The following PMFBP1 variants were observed in gnomAD, a reference collection of about 807,000 sequenced individuals.
PMFBP1 encodes polyamine modulated factor 1 binding protein 1.
Under a neutral mutation model 137.8 loss-of-function variants are expected in PMFBP1, and 131 were observed. The ratio of observed to expected loss-of-function variants is 0.95; its 90% CI spans 0.82 to 1.10. PMFBP1 has a LOEUF of 1.10. PMFBP1 is among the 50% of genes least tolerant of loss of function. The pLI, the probability that PMFBP1 is intolerant of heterozygous loss-of-function variation, is 0.00. For synonymous variants in PMFBP1, 490 were observed against 450.4 expected (o/e 1.09, Z -1.11); for missense variants, 1,199 against 1,175.4 (o/e 1.02, Z -0.29).
At chr16:72,228,693 T>G in the PMFBP1 span, among the ~76,000 whole-genome samples, 1 of 152,326 alleles carries the variant, frequency 6.6e-6, no homozygotes, top group South Asian at 2.1e-4. Flanking sequence ...GGTGCCTCTC[T>G]ATTTCTTTAG....
chr16:72,171,384 G>T, intron 1 of PMFBP1, 116 bp from the exon 2 acceptor site: 1 of 624,202 alleles, frequency 1.6e-6, no homozygotes, highest in Non-Finnish European at 2.8e-6. Context: ...TTCCTGAACT[G>T]TTAGCAATAC....
At chr16:72,245,910 A>T in the PMFBP1 span, among the ~76,000 whole-genome samples, 1 of 152,268 alleles carries the variant, frequency 6.6e-6, no homozygotes, top group African/African-American at 2.4e-5. Context: ...CCAGTGCTTG[A>T]CCATCTTTTG....
intron 14 of PMFBP1, among the ~76,000 whole-genome samples, chr16:72,126,532 C>A (rs1032500455): frequency 6.6e-6 from 1 of 152,230 alleles, no homozygotes; most frequent in Non-Finnish European, 1.5e-5. Context: ...TGATGTAATT[C>A]ACTAGACTTG....
intron 10 of PMFBP1, among the ~76,000 whole-genome samples, chr16:72,131,776 G>T (rs904638886): frequency 1.3e-5 from 2 of 152,198 alleles, no homozygotes; most frequent in African/African-American, 4.8e-5. Context: ...AAAGGAGGGT[G>T]AGGAAGGAAG....
chr16:72,172,521 G>C (rs747966619), upstream of PMFBP1: 1 of 150,072 alleles, frequency 6.7e-6, no homozygotes, highest in Non-Finnish European at 1.5e-5. Flanking sequence ...TTCTTAAAGC[G>C]GAAGTGAAAC....
upstream of PMFBP1, among the ~76,000 whole-genome samples, chr16:72,180,120 GTCT>G (rs2043271190): frequency 6.6e-6 from 1 of 152,128 alleles, no homozygotes. Flanking sequence ...CAACATCATG[GTCT>G]TCTTTGAGGG....
chr16:72,174,680 C>T (rs1005393553), upstream of PMFBP1, among the ~76,000 whole-genome samples: 3 of 152,232 alleles, frequency 2.0e-5, no homozygotes, highest in African/African-American at 7.2e-5. Context: ...TCTTGGCAGA[C>T]AGCACCTCTT....
At chr16:72,240,438 G>A in the PMFBP1 span, among the ~76,000 whole-genome samples, 1 of 152,230 alleles carries the variant, frequency 6.6e-6, no homozygotes, top group Non-Finnish European at 1.5e-5. Flanking sequence ...GGACAATTCT[G>A]CCTTCTAATA....
At chr16:72,170,822 T>C (rs1021348458) in intron 2 of PMFBP1, among the ~76,000 whole-genome samples, 1 of 152,294 alleles carries the variant, frequency 6.6e-6, no homozygotes, top group East Asian at 1.9e-4. Context: ...GCAACAATAG[T>C]TAATATCGAT....
At chr16:72,128,307 T>C in intron 14 of PMFBP1, 1 of 1,154,672 alleles carries the variant, frequency 8.7e-7, no homozygotes, top group Non-Finnish European at 1.1e-6. Flanking sequence ...TTTCATCTCC[T>C]TTTTGTGCTT....
chr16:72,127,652 C>T (rs1188249361), intron 14 of PMFBP1, among the ~76,000 whole-genome samples: 1 of 152,070 alleles, frequency 6.6e-6, no homozygotes, highest in Non-Finnish European at 1.5e-5. Flanking sequence ...ATTATAGAAC[C>T]AAGAAGTTCT....
intron 4 of PMFBP1, among the ~76,000 whole-genome samples, chr16:72,153,921 T>TACACACACAC (rs3223525): frequency 1.5e-4 from 20 of 134,046 alleles, no homozygotes; most frequent in Middle Eastern, 3.5e-3. Context: ...GATGGACTTA[T>TACACACACAC]ACACACACAC....
chr16:72,208,317 T>C, the PMFBP1 span, among the ~76,000 whole-genome samples: 1 of 152,146 alleles, frequency 6.6e-6, no homozygotes, highest in Admixed American at 6.5e-5. Flanking sequence ...GACGACCCAC[T>C]TGAGAATGCT....
the PMFBP1 span, among the ~76,000 whole-genome samples, chr16:72,208,491 T>C: frequency 6.6e-6 from 1 of 152,268 alleles, no homozygotes; most frequent in African/African-American, 2.4e-5. Flanking sequence ...TATATAATTT[T>C]CCATTCTAAT....
intron 5 of PMFBP1, among the ~76,000 whole-genome samples, chr16:72,141,176 A>C (rs1034763879): frequency 6.6e-6 from 1 of 152,034 alleles, no homozygotes; most frequent in Non-Finnish European, 1.5e-5. Context: ...ACCTCAGGTG[A>C]TTCACCCGCC....
intron 17 of PMFBP1, 42 bp downstream of exon 17, chr16:72,124,725 G>C (rs2042427280): frequency 6.3e-7 from 1 of 1,596,840 alleles, no homozygotes; most frequent in Non-Finnish European, 8.5e-7. Flanking sequence ...GATGTGCCTG[G>C]AGGCACTGAG....
In PMFBP1 at chr16:72,128,740, G is replaced by T; in HGVS notation, c.2005C>A (p.Leu669Ile). Residue 669 changes from leucine to isoleucine, a missense_variant, in exon 14 of 21, where the codon CTA (leucine) becomes ATA (isoleucine). Physicochemically the swap from Leu to Ile is conservative, Grantham distance 5 (BLOSUM62 2). Coordinates refer to ENST00000237353, the MANE Select transcript of PMFBP1 (RefSeq NM_031293.3). ...TCCAGTTGTGTAGAACAACACTGTA[G>T]CTCTGCTCGGAGATTCTCATTTTCT... ...EEENENLRAE[L>I]QCCSTQLESS... 6.2e-7 allele frequency: 1 copy of T among 1,614,154 alleles called. No individual in the cohort carries two copies. Among genetic ancestry groups the T allele is most frequent in the Non-Finnish European group, 8.5e-7 (1 of 1,180,024 alleles).
At chr16:72,231,565 T>C in the PMFBP1 span, among the ~76,000 whole-genome samples, 8 of 152,202 alleles carry the variant, frequency 5.3e-5, no homozygotes, top group Admixed American at 1.3e-4. Context: ...TGTTTTAGAT[T>C]AGTGATTCTC....
At chr16:72,161,666 T>G (rs1053447850) in intron 3 of PMFBP1, among the ~76,000 whole-genome samples, 1 of 152,156 alleles carries the variant, frequency 6.6e-6, no homozygotes, top group Non-Finnish European at 1.5e-5. Context: ...GGTTAACTTC[T>G]TAAATAACTG....
Sources: allele counts gnomAD v4.1 joint callset (sites outside exome capture counted in the v4.1 genomes callset), GRCh38; gene constraint gnomAD v4.1.1; transcripts MANE v1.5; gene names NCBI Gene and HGNC (gene_info 2026-07-23, HGNC 2026-07-21).